The following GMDS variants were observed in gnomAD, a reference collection of about 807,000 sequenced individuals.
The protein encoded by GMDS is GDP-mannose 4,6-dehydratase.
Under a neutral mutation model 49.9 loss-of-function variants are expected in GMDS, and 20 were observed. That is an observed-to-expected ratio of 0.40 (90% confidence interval 0.28 to 0.58). The LOEUF is 0.58. Among genes scored for constraint, GMDS ranks in the 20% least tolerant of loss-of-function variants. The pLI, the probability that GMDS is intolerant of heterozygous loss-of-function variation, is 0.42. For missense variants in GMDS, 362 were observed against 481.4 expected, an observed-to-expected ratio of 0.75 and a Z score of 2.32; for synonymous variants, 177 against 178.6, an observed-to-expected ratio of 0.99 and a Z score of 0.07.
intron 2 of GMDS, among the ~76,000 whole-genome samples, chr6:2,122,648 T>C (rs1003777011): frequency 2.0e-5 from 3 of 152,248 alleles, no homozygotes; most frequent in Non-Finnish European, 4.4e-5. Context: ...AATGGTTTAT[T>C]CTCGAATTAT....
chr6:2,004,050 G>C (rs6906509), intron 4 of GMDS, among the ~76,000 whole-genome samples: 69,190 of 152,054 alleles, frequency 0.46, 15,924 homozygotes, highest in African/African-American at 0.51. Flanking sequence ...TTGTGACAAG[G>C]CTCTTCTTCT....
intron 2 of GMDS, among the ~76,000 whole-genome samples, chr6:2,119,243 C>T (rs1775010091): frequency 6.6e-6 from 1 of 152,068 alleles, no homozygotes. Flanking sequence ...ATATTCATTA[C>T]ATATAAACAT....
chr6:1,644,996 C>T (rs141616085), intron 9 of GMDS, among the ~76,000 whole-genome samples: 1 of 147,756 alleles, frequency 6.8e-6, no homozygotes, highest in Non-Finnish European at 1.5e-5. Context: ...AGTGCAGTGG[C>T]GTGATCCTGG....
intron 4 of GMDS, among the ~76,000 whole-genome samples, chr6:2,081,029 C>T (rs902900784): frequency 1.3e-5 from 2 of 152,090 alleles, no homozygotes; most frequent in Non-Finnish European, 2.9e-5. Context: ...TTAACAAGGC[C>T]ATTGTATGGG....
At chr6:1,731,998 G>T (rs1253542376) in intron 8 of GMDS, among the ~76,000 whole-genome samples, 2 of 152,340 alleles carry the variant, frequency 1.3e-5, no homozygotes, top group African/African-American at 4.8e-5. Flanking sequence ...GAAGGCATCT[G>T]TTAGCTCTAC....
intron 7 of GMDS, among the ~76,000 whole-genome samples, chr6:1,767,228 A>G (rs1561791673): frequency 2.6e-5 from 4 of 151,260 alleles, no homozygotes; most frequent in Non-Finnish European, 4.4e-5. Context: ...TAAACGCATA[A>G]AAGAAAATAT....
At chr6:2,153,748 T>C (rs776058932) in intron 1 of GMDS, among the ~76,000 whole-genome samples, 4 of 152,154 alleles carry the variant, frequency 2.6e-5, no homozygotes, top group Middle Eastern at 3.2e-3. Flanking sequence ...GAAGAAAAAT[T>C]ACCCTCTGAC....
At chr6:1,961,342 ATTT>A (rs1417204325) in intron 4 of GMDS, among the ~76,000 whole-genome samples, 1 of 152,168 alleles carries the variant, frequency 6.6e-6, no homozygotes, top group Non-Finnish European at 1.5e-5. Flanking sequence ...GGAAATTTAC[ATTT>A]TTAATGAGCC....
At position 1,660,500 on chromosome 6, in the gene GMDS, C is replaced by T. The variant is rs145628339; in HGVS notation, c.988-35960G>A. Among the ~76,000 whole-genome samples the T allele has an allele frequency of 6.8e-4, 103 of 151,896 alleles. No individual in the cohort carries two copies. The East Asian group carries it at 9.1e-3, about 13-fold the overall frequency. On this transcript the variant is annotated intron_variant, in intron 9 of 10. Coordinates refer to ENST00000380815, the MANE Select transcript of GMDS (RefSeq NM_001500.4). ...ACTGCAGACACGGGATGAGTTTCTG[C>T]GGAGAGGCCGGGGAGGAGAACGGAT...
At chr6:1,900,626 T>C (rs1324894863) in intron 7 of GMDS, among the ~76,000 whole-genome samples, 4 of 152,228 alleles carry the variant, frequency 2.6e-5, no homozygotes, top group Non-Finnish European at 2.9e-5. Flanking sequence ...TGAAGTTTTA[T>C]GGCCAACTTC....
At chr6:1,875,317 TACACACACACACACAC>T (rs56053544) in intron 7 of GMDS, among the ~76,000 whole-genome samples, 69,684 of 150,058 alleles carry the variant, frequency 0.46, 19,375 homozygotes, top group Non-Finnish European at 0.62. Flanking sequence ...TTTTTGTATT[TACACACACACACACAC>T]ACACACACAC....
chr6:2,057,718 T>C (rs984047331), intron 4 of GMDS, among the ~76,000 whole-genome samples: 8 of 152,168 alleles, frequency 5.3e-5, no homozygotes, highest in African/African-American at 1.4e-4. Context: ...AAATAATTCA[T>C]GGAATTCTTA....
At chr6:2,186,227 A>AC (rs1301218918) in intron 1 of GMDS, among the ~76,000 whole-genome samples, 3 of 152,230 alleles carry the variant, frequency 2.0e-5, no homozygotes, top group Admixed American at 2.0e-4. Flanking sequence ...GCCTATGCGG[A>AC]CCGCTGCAAT....
chr6:1,911,451 C>A (rs2113877341), intron 7 of GMDS, among the ~76,000 whole-genome samples: 1 of 152,070 alleles, frequency 6.6e-6, no homozygotes, highest in African/African-American at 2.4e-5. Flanking sequence ...GGTCACTCTG[C>A]TGATAACCAT....
At chr6:2,221,468 C>T (rs1454962100) in intron 1 of GMDS, among the ~76,000 whole-genome samples, 14 of 152,096 alleles carry the variant, frequency 9.2e-5, no homozygotes, top group Non-Finnish European at 2.1e-4. Flanking sequence ...GCAAGCTCCG[C>T]CTCCCGGCCT....
intron 9 of GMDS, among the ~76,000 whole-genome samples, chr6:1,639,950 C>T (rs1298975240): frequency 6.6e-6 from 1 of 152,162 alleles, no homozygotes; most frequent in African/African-American, 2.4e-5. Flanking sequence ...TCCTGGATGC[C>T]CTGAACCTCA....
intron 7 of GMDS, among the ~76,000 whole-genome samples, chr6:1,843,256 A>AG (rs1561840602): frequency 1.3e-5 from 2 of 152,294 alleles, no homozygotes; most frequent in South Asian, 4.1e-4. Context: ...TCCATACCCA[A>AG]GGGGATGGCC....
At chr6:1,709,860 C>T (rs1252643030) in intron 9 of GMDS, among the ~76,000 whole-genome samples, 1 of 152,200 alleles carries the variant, frequency 6.6e-6, no homozygotes, top group Non-Finnish European at 1.5e-5. Context: ...TCAACAAATA[C>T]AGTCCTTTGG....
At chr6:2,044,446 C>G (rs1769875335) in intron 4 of GMDS, among the ~76,000 whole-genome samples, 2 of 152,116 alleles carry the variant, frequency 1.3e-5, no homozygotes, top group South Asian at 4.2e-4. Context: ...TTATCCTTAG[C>G]AAACTACTGG....
Sources: allele counts gnomAD v4.1 joint callset (sites outside exome capture counted in the v4.1 genomes callset), GRCh38; gene constraint gnomAD v4.1.1; transcripts MANE v1.5; gene names NCBI Gene and HGNC (gene_info 2026-07-23, HGNC 2026-07-21).